KCNIP4: variants seen among roughly 807,000 people sequenced by gnomAD.
KCNIP4 encodes the protein Kv channel-interacting protein 4.
In KCNIP4, 12 loss-of-function variants were observed where a neutral mutation model predicts 34.0. The observed-to-expected ratio is 0.35, with a 90% CI of 0.23 to 0.57. The LOEUF (loss-of-function observed/expected upper bound fraction) is 0.57. KCNIP4 is among the 20% of genes least tolerant of loss of function. The probability of loss-of-function intolerance (pLI) is 0.83; values close to 1 mark genes in which losing one functional copy is unlikely to be tolerated. For synonymous variants in KCNIP4, 124 were observed against 102.2 expected (o/e 1.21, Z -1.29); for missense variants, 238 against 311.7 (o/e 0.76, Z 1.78).
chr4:21,420,406 C>T (rs1484903960), intron 1 of KCNIP4, among the ~76,000 whole-genome samples: 2 of 152,070 alleles, frequency 1.3e-5, no homozygotes, highest in Non-Finnish European at 1.5e-5. Context: ...TTGTTCTGTC[C>T]CCTGCCTCCA....
chr4:21,052,566 T>C (rs1353576518), intron 1 of KCNIP4, among the ~76,000 whole-genome samples: 1 of 152,212 alleles, frequency 6.6e-6, no homozygotes, highest in Non-Finnish European at 1.5e-5. Flanking sequence ...CTAGGAAGTA[T>C]GCAGAAAAAT....
At chr4:20,877,228 G>A (rs1724143217) in intron 2 of KCNIP4, among the ~76,000 whole-genome samples, 2 of 152,102 alleles carry the variant, frequency 1.3e-5, no homozygotes, top group South Asian at 4.1e-4. Flanking sequence ...CTTTTTTATT[G>A]TTACAGCTAT....
chr4:21,848,491 A>G (rs1327605721), intron 1 of KCNIP4: 1 of 152,108 alleles, frequency 6.6e-6, no homozygotes, highest in Non-Finnish European at 1.5e-5. Context: ...GACAAAAAGC[A>G]CTCAACAAGC....
intron 1 of KCNIP4, among the ~76,000 whole-genome samples, chr4:20,958,393 T>C (rs1179064643): frequency 6.6e-6 from 1 of 152,196 alleles, no homozygotes. Context: ...CAAAGGGCAA[T>C]AGAAACCCTT....
intron 1 of KCNIP4, among the ~76,000 whole-genome samples, chr4:21,529,091 A>G (rs1346344996): frequency 1.3e-5 from 2 of 152,082 alleles, no homozygotes; most frequent in South Asian, 2.1e-4. Context: ...TGCAGCAGCT[A>G]TTTTTGAATT....
chr4:21,934,517 T>C (rs1160503880), intron 1 of KCNIP4, among the ~76,000 whole-genome samples: 2 of 152,136 alleles, frequency 1.3e-5, no homozygotes, highest in Non-Finnish European at 2.9e-5. Flanking sequence ...ATCCAGACTA[T>C]ATAAGATCTC....
chr4:21,527,216 G>A (rs975327500), intron 1 of KCNIP4, among the ~76,000 whole-genome samples: 3 of 152,146 alleles, frequency 2.0e-5, no homozygotes, highest in Non-Finnish European at 4.4e-5. Flanking sequence ...TTGGGTTGTT[G>A]ATTATATTAA....
chr4:20,757,523 TAC>T lies in KCNIP4; in HGVS notation c.358+1296_358+1297del, dbSNP rs199768035. 4.9e-3 allele frequency among the ~76,000 whole-genome samples: 745 copies of T among 152,298 alleles called. 6 individuals are homozygous for T. Among genetic ancestry groups the T allele is most frequent in the African/African-American group, 0.017 (690 of 41,568 alleles). ...CTCTAGGACATTTCACCCTCCATTG[TAC>T]ACTCTCTACCCTAGCCACACCCAAA... On this transcript the variant is annotated intron_variant, in intron 4 of 8. Transcript: ENST00000382152.
chr4:20,857,631 C>T lies in KCNIP4; in HGVS notation c.164-6964G>A, dbSNP rs191183651. 2.2e-3 allele frequency among the ~76,000 whole-genome samples: 309 copies of T among 141,802 alleles called. 2 individuals carry two copies. The highest frequency in any genetic ancestry group is 8.0e-3 in the African/African-American group (296 of 37,162). 93.0% of individuals were successfully genotyped at this position (141,802 alleles called of 152,430 possible). On this transcript the variant is annotated intron_variant, in intron 2 of 8. Coordinates refer to ENST00000382152, the MANE Select transcript of KCNIP4 (RefSeq NM_025221.6). ...TATATGCATAGGGACAAGATTTACA[C>T]CCAGGTCTTTGATGCCACAGCTTAT...
Position 21,519,447 on chromosome 4 carries a change from T to C in KCNIP4, c.61+429124A>G, listed in dbSNP as rs573479664. 9.6e-3 allele frequency among the ~76,000 whole-genome samples: 1,242 copies of C among 129,870 alleles called. 62 individuals carry two copies. Among genetic ancestry groups the C allele is most frequent in the Middle Eastern group, 0.023 (6 of 258 alleles). The allele number at this position is 129,870 out of a possible 152,430, so 85.2% of individuals were successfully genotyped here. A position where few individuals can be genotyped will look rare whatever the true frequency, so the allele number is the denominator to read the frequency against. On this transcript the variant is annotated intron_variant, in intron 1 of 8. Coordinates refer to ENST00000382152, the MANE Select transcript of KCNIP4 (RefSeq NM_025221.6). Reference sequence around the variant, plus strand: ...ATACACATATGTGTGTATATGTATGTGTATATACACATATGTGTGTATGTG... The same window carrying C: ...ATACACATATGTGTGTATATGTATGCGTATATACACATATGTGTGTATGTG...
chr4:21,294,387 G>T (rs138822771), intron 1 of KCNIP4, among the ~76,000 whole-genome samples: 1 of 152,182 alleles, frequency 6.6e-6, no homozygotes, highest in East Asian at 1.9e-4. Flanking sequence ...CTGTGTCATC[G>T]CATTTTGGCA....
chr4:21,037,965 GTT>G (rs5856596), intron 1 of KCNIP4, among the ~76,000 whole-genome samples: 3 of 152,050 alleles, frequency 2.0e-5, no homozygotes, highest in East Asian at 1.9e-4. Flanking sequence ...AATGCTGGGG[GTT>G]TTTTTTTGTT....
intron 1 of KCNIP4, among the ~76,000 whole-genome samples, chr4:21,281,292 T>G (rs758874769): frequency 6.6e-6 from 1 of 152,046 alleles, no homozygotes; most frequent in East Asian, 1.9e-4. Context: ...TTCACCATAT[T>G]AGCCAGGTTG....
chr4:21,763,063 C>G (rs1052758195), intron 1 of KCNIP4: 2 of 1,288,730 alleles, frequency 1.6e-6, no homozygotes, highest in Non-Finnish European at 2.0e-6. Flanking sequence ...CACAGTTTGC[C>G]TAATTTCCTC....
chr4:21,260,205 G>A (rs962106356), intron 1 of KCNIP4, among the ~76,000 whole-genome samples: 1 of 152,080 alleles, frequency 6.6e-6, no homozygotes, highest in Non-Finnish European at 1.5e-5. Context: ...ATGCCTTACT[G>A]TGCTTTCATA....
At chr4:21,000,144 C>T (rs974995773) in intron 1 of KCNIP4, among the ~76,000 whole-genome samples, 1 of 152,114 alleles carries the variant, frequency 6.6e-6, no homozygotes, top group Non-Finnish European at 1.5e-5. Context: ...CCAGCAGGTG[C>T]TAAGCAGAAG....
intron 1 of KCNIP4, among the ~76,000 whole-genome samples, chr4:21,118,184 T>C (rs1213553380): frequency 6.6e-6 from 1 of 152,234 alleles, no homozygotes; most frequent in East Asian, 1.9e-4. Context: ...CTTATAGAAC[T>C]GAGGGGCTAA....
At chr4:21,028,820 G>A (rs879868844) in intron 1 of KCNIP4, among the ~76,000 whole-genome samples, 1 of 152,168 alleles carries the variant, frequency 6.6e-6, no homozygotes, top group Admixed American at 6.5e-5. Flanking sequence ...CCATGTCTAA[G>A]TTGGGAAGGA....
intron 1 of KCNIP4, among the ~76,000 whole-genome samples, chr4:21,154,024 G>T (rs1752961400): frequency 6.6e-6 from 1 of 152,136 alleles, no homozygotes; most frequent in South Asian, 2.1e-4. Context: ...ACATTGACTG[G>T]CTTGCAGTAC....
Sources: gnomAD v4.1 joint callset for allele counts (sites outside exome capture counted in the v4.1 genomes callset) on GRCh38, gnomAD v4.1.1 for gene constraint, MANE v1.5 for transcripts, NCBI Gene and HGNC (gene_info 2026-07-23, HGNC 2026-07-21) for gene names.